The following ERMAP variants were observed in gnomAD, a reference collection of about 807,000 sequenced individuals.
ERMAP encodes the protein erythroid membrane-associated protein.
ERMAP carries 34 observed loss-of-function variants against 49.5 expected under a neutral mutation model. That is an observed-to-expected ratio of 0.69 (90% CI 0.52 to 0.91). The LOEUF (loss-of-function observed/expected upper bound fraction) is 0.91, where lower values mean the gene tolerates loss of function less well. ERMAP is among the 40% of genes least tolerant of loss of function. ERMAP has a pLI of 0.00. For synonymous variants in ERMAP, 214 were observed against 232.2 expected (o/e 0.92, Z 0.71); for missense variants, 541 against 582.6 (o/e 0.93, Z 0.74).
At chr1:42,837,854 A>G (rs1319403937) in intron 7 of ERMAP, 3 of 152,474 alleles carry the variant, frequency 2.0e-5, no homozygotes, top group Non-Finnish European at 4.4e-5. Flanking sequence ...TCCAGATTCA[A>G]TGATGTCAGC....
In ERMAP at chr1:42,819,170, CGTGTGTGTGTGTGTGT is replaced by C. The variant is rs145113385; in HGVS notation, c.-122+1939_-122+1954del. Among the ~76,000 whole-genome samples the C allele has an allele frequency of 5.6e-5, 8 of 142,448 alleles. No individual in the cohort carries two copies. The highest frequency in any genetic ancestry group is 4.2e-4 in the Admixed American group (6 of 14,134). 93.5% of individuals were successfully genotyped at this position (142,448 alleles called of 152,430 possible). A position where few individuals can be genotyped will look rare whatever the true frequency, so the allele number is the denominator to read the frequency against. ...GGTGAGGAAGAGGATAAGTTAGGAG[CGTGTGTGTGTGTGTGT>C]GTGTGTGTGTGTGTGTGTGTGCGCG... On this transcript the variant is annotated intron_variant, in intron 1 of 11. Transcript: ENST00000372517. The surrounding 1 kb of genome is among the most constrained non-coding windows in gnomAD (Gnocchi z 5.1).
chr1:42,817,280 G>T (rs1057289049), intron 1 of ERMAP, 27 bp downstream of exon 1: 1 of 1,230,558 alleles, frequency 8.1e-7, no homozygotes, highest in Non-Finnish European at 1.0e-6. Context: ...CCCGACCACT[G>T]GACCCAGCGC....
At position 42,844,623 on chromosome 1, in the gene ERMAP, G is replaced by A. The variant is rs573216534; in HGVS notation, c.*1391G>A. 1.3e-5 allele frequency: 2 copies of A among 152,630 alleles called. No individual in the cohort carries two copies. Among genetic ancestry groups the A allele is most frequent in the Admixed American group, 6.5e-5 (1 of 15,310 alleles). The allele number at this position is 152,630 out of a possible 1,614,324, so 9.5% of individuals were successfully genotyped here. A position where few individuals can be genotyped will look rare whatever the true frequency, so the allele number is the denominator to read the frequency against. ...TGATGGCAGCAGGCTTGACGCCAAG[G>A]AAGAGATGATGTTTAATTCAAGTCC... On this transcript the variant is annotated 3_prime_UTR_variant, in exon 12 of 12. Coordinates refer to ENST00000372517, the MANE Select transcript of ERMAP (RefSeq NM_001017922.2). This position sits in a 1 kb window ranked among gnomAD's most constrained non-coding sequence, Gnocchi z 4.0.
At chr1:42,834,390 G>T (rs1654834362) in intron 4 of ERMAP, among the ~76,000 whole-genome samples, 1 of 152,182 alleles carries the variant, frequency 6.6e-6, no homozygotes. Context: ...CTGGAGGTGT[G>T]TAGTGAGGAG....
rs1654333971 is a variant in ERMAP, at chr1:42,819,138, G to A, written c.-122+1885G>A. Among the ~76,000 whole-genome samples, 1 of 151,712 alleles carries A rather than the reference G, an allele frequency of 6.6e-6. No individual in the cohort carries two copies. Among genetic ancestry groups the A allele is most frequent in the African/African-American group, 2.4e-5 (1 of 41,286 alleles). On this transcript the variant is annotated intron_variant, in intron 1 of 11. Transcript: ENST00000372517. The surrounding 1 kb of genome is among the most constrained non-coding windows in gnomAD (Gnocchi z 5.1). ...TGGAGAAGGTGTGATGAGTTGGTTT[G>A]GGAAACGGTGAGGAAGAGGATAAGT...
Position 42,843,081 on chromosome 1 carries a change from C to A in ERMAP, c.1277C>A (p.Pro426Gln), listed in dbSNP as rs1488062083. ...TCAGAGGAATCAATTGTCCCCAGGC[C>A]AGAAGGGAAAGGCCATGCTAATGGA... ...HKSEESIVPR[P>Q]EGKGHANGDV... is the part of the protein sequence containing the mutation. Residue 426 changes from proline (P) to glutamine (Q), a missense_variant, in exon 12 of 12, where the codon CCA becomes CAA. By Grantham distance (76) the Pro-to-Gln change is moderately conservative. Transcript: ENST00000372517. 2 of 1,614,090 alleles carry A rather than the reference C, an allele frequency of 1.2e-6. No homozygotes were observed. The highest frequency in any genetic ancestry group is 1.3e-5 in the African/African-American group (1 of 74,952).
intron 11 of ERMAP, 106 bp from the exon 12 acceptor site, chr1:42,842,411 C>A: frequency 1.0e-6 from 1 of 965,570 alleles, no homozygotes; most frequent in African/African-American, 1.6e-5. Flanking sequence ...CTAAAATGGG[C>A]TAATGACAGT....
intron 1 of ERMAP, 143 bp from the exon 2 acceptor site, chr1:42,825,480 T>C (rs1570530673): frequency 3.4e-6 from 4 of 1,172,096 alleles, no homozygotes; most frequent in East Asian, 1.2e-4. Context: ...TCCTCTTTGC[T>C]CTGTTCTTTT....
intron 8 of ERMAP, chr1:42,839,774 G>A (rs1251434184): frequency 1.8e-6 from 1 of 569,094 alleles, no homozygotes; most frequent in South Asian, 2.3e-5. Flanking sequence ...TTACCTGTAG[G>A]TGTGAGATGT....
chr1:42,824,339 C>T (rs1057079277), intron 1 of ERMAP: 2 of 140,594 alleles, frequency 1.4e-5, no homozygotes, highest in Admixed American at 7.2e-5. Context: ...CGGAGCGAGA[C>T]TCTGTCTCAA....
chr1:42,835,238 G>A lies in ERMAP; in HGVS notation c.550+84G>A, dbSNP rs575633281. ...AAAGGGCCAGACGGAAGTAGATGTA[G>A]ACCTGACACTTCTCCATAGGTTGGG... On this transcript the variant is annotated intron_variant, in intron 5 of 11. Coordinates refer to ENST00000372517, the MANE Select transcript of ERMAP (RefSeq NM_001017922.2). The A allele has an allele frequency of 1.3e-4, 102 of 768,652 alleles. 1 individual carries two copies. The Middle Eastern group carries it at 6.1e-3, about 46-fold the overall frequency. The allele number at this position is 768,652 out of a possible 1,614,324, so 47.6% of individuals were successfully genotyped here.
intron 8 of ERMAP, chr1:42,839,757 G>T: frequency 1.9e-6 from 1 of 533,956 alleles, no homozygotes; most frequent in South Asian, 2.9e-5. Context: ...CATAATTTAT[G>T]TTGTCATTAC....
At chr1:42,835,656 G>A (rs956366886) in intron 5 of ERMAP, 76 bp from the exon 6 acceptor site, 2 of 1,590,986 alleles carry the variant, frequency 1.3e-6, no homozygotes, top group Non-Finnish European at 1.7e-6. Flanking sequence ...CAGGCAGCTG[G>A]GGGCATCTTG....
chr1:42,825,489 T>A, intron 1 of ERMAP, 134 bp from the exon 2 acceptor site: 1 of 1,177,322 alleles, frequency 8.5e-7, no homozygotes. Flanking sequence ...CTCTGTTCTT[T>A]TATCAGGGGC....
intron 1 of ERMAP, among the ~76,000 whole-genome samples, chr1:42,821,188 C>A (rs1369669225): frequency 1.3e-5 from 2 of 152,292 alleles, no homozygotes; most frequent in African/African-American, 4.8e-5. Flanking sequence ...ACTTACTGTC[C>A]TGTTCTCTTT....
intron 7 of ERMAP, among the ~76,000 whole-genome samples, chr1:42,838,321 G>A (rs1654961418): frequency 6.6e-6 from 1 of 152,180 alleles, no homozygotes; most frequent in African/African-American, 2.4e-5. Context: ...GACTCAGGAT[G>A]TGTAACTTCA....
intron 6 of ERMAP, among the ~76,000 whole-genome samples, chr1:42,836,593 C>G (rs926026236): frequency 6.6e-6 from 1 of 152,126 alleles, no homozygotes; most frequent in South Asian, 2.1e-4. Context: ...TGGTGGCTCA[C>G]GCCTGTAATC....
chr1:42,832,916 T>A (rs1654789045), intron 4 of ERMAP, among the ~76,000 whole-genome samples: 1 of 152,212 alleles, frequency 6.6e-6, no homozygotes, highest in Non-Finnish European at 1.5e-5. Context: ...CCTGCTGGTG[T>A]GCAGATAGGT....
intron 6 of ERMAP, among the ~76,000 whole-genome samples, chr1:42,836,243 T>C (rs369944931): frequency 2.0e-5 from 3 of 152,324 alleles, no homozygotes; most frequent in South Asian, 2.1e-4. Flanking sequence ...CTGTGAAGGC[T>C]ATGACCAGAA....
Sources: allele counts gnomAD v4.1 joint callset (sites outside exome capture counted in the v4.1 genomes callset), GRCh38; gene constraint gnomAD v4.1.1; non-coding constraint Gnocchi (gnomAD v3.1); transcripts MANE v1.5; gene names NCBI Gene and HGNC (gene_info 2026-07-23, HGNC 2026-07-21).